PABPC1L: variants seen among roughly 807,000 people sequenced by gnomAD.
PABPC1L encodes polyadenylate-binding protein 1-like.
A neutral mutation model predicts 66.6 loss-of-function variants in PABPC1L; 31 were observed. The observed-to-expected ratio is 0.47, with a 90% CI of 0.35 to 0.63. PABPC1L has a LOEUF of 0.63. Among genes scored for constraint, PABPC1L ranks in the 20% least tolerant of loss-of-function variants. The pLI is 0.00. For missense variants in PABPC1L, 722 were observed against 848.8 expected, an observed-to-expected ratio of 0.85 and a Z score of 1.86; for synonymous variants, 348 against 335.1, an observed-to-expected ratio of 1.04 and a Z score of -0.42.
intron 3 of PABPC1L, among the ~76,000 whole-genome samples, chr20:44,918,357 A>T (rs936459308): frequency 6.6e-6 from 1 of 152,186 alleles, no homozygotes; most frequent in Non-Finnish European, 1.5e-5. Flanking sequence ...AAATAAAATT[A>T]ATCTTGTATT....
At chr20:44,937,233 C>T (rs2066908309) in intron 12 of PABPC1L, 2 of 329,414 alleles carry the variant, frequency 6.1e-6, no homozygotes, top group South Asian at 4.8e-5. Context: ...CCCTAGTGTC[C>T]ATGGCAGGCC....
Position 44,918,968 on chromosome 20 carries a change from A to G in PABPC1L, c.566A>G (p.Glu189Gly). The change falls in exon 4 of 15, where the codon GAG becomes GGG. Residue 189 changes from glutamate to glycine, a missense_variant. Glu to Gly is a moderately conservative substitution (Grantham distance 98, BLOSUM62 -2). Coordinates refer to ENST00000217073, the MANE Select transcript of PABPC1L (RefSeq NM_001372179.1). ...REAELGARAL[E>G]FTNIYVKNLP... is the part of the protein sequence containing the mutation. ...GCGGAGCTGGGGGCGCGGGCCCTGG[A>G]GTTCACCAACATCTACGTGAAGAAC... 6.2e-7 allele frequency: 1 copy of G among 1,613,268 alleles called. No homozygotes were observed. The highest frequency in any genetic ancestry group is 8.5e-7 in the Non-Finnish European group (1 of 1,179,610).
rs1465540885 is a variant in PABPC1L at position 44,932,813 on chromosome 20, C to A, written c.1331-244C>A. ...ATCTTGAGGGACTAAGGTGTACAAT[C>A]CTGGTGCTTATGCAGTTTGGGGCTC... On this transcript the variant is annotated intron_variant, in intron 9 of 14. Coordinates refer to ENST00000217073, the MANE Select transcript of PABPC1L (RefSeq NM_001372179.1). 9.0e-6 allele frequency: 5 copies of A among 555,832 alleles called. 1 individual carries two copies. Among genetic ancestry groups the A allele is most frequent in the Admixed American group, 6.1e-5 (2 of 32,636 alleles). 34.4% of individuals were successfully genotyped at this position (555,832 alleles called of 1,614,324 possible). A position where few individuals can be genotyped will look rare whatever the true frequency, so the allele number is the denominator to read the frequency against.
chr20:44,935,249 AACAGTGC>A, intron 10 of PABPC1L, 135 bp from the exon 11 acceptor site: 2 of 639,746 alleles, frequency 3.1e-6, no homozygotes, highest in South Asian at 4.0e-5. Context: ...CATTCCTACC[AACAGTGC>A]ACAGTCTTCT....
At position 44,938,730 on chromosome 20, in the gene PABPC1L, G is replaced by T; in HGVS notation, c.1848G>T (p.Ala616=). ...ACCAGGCTATGGAGCAGCCGAAGGC[G>T]TACATGCACTGAAACCAGGTGGGTG... ...QAHQAMEQPK[A]YMH The change falls in exon 14 of 15, where the codon GCG becomes GCT. Residue 616 remains alanine, a synonymous_variant. Transcript: ENST00000217073. 1 of 1,611,488 alleles carries T rather than the reference G, an allele frequency of 6.2e-7. No homozygotes were observed. The highest frequency in any genetic ancestry group is 2.2e-5 in the East Asian group (1 of 44,826).
intron 6 of PABPC1L, among the ~76,000 whole-genome samples, chr20:44,923,346 GTCGTGGTGGC>G (rs762538407): frequency 2.0e-5 from 3 of 152,168 alleles, no homozygotes; most frequent in Non-Finnish European, 4.4e-5. Context: ...AACGTGGCCT[GTCGTGGTGGC>G]TCGTGCCTGT....
rs2066757681 is a variant in PABPC1L at position 44,919,289 on chromosome 20, C to G, written c.738+12C>G. The G allele has an allele frequency of 6.2e-7, 1 of 1,613,664 alleles. No homozygotes were observed. The highest frequency in any genetic ancestry group is 8.5e-7 in the Non-Finnish European group (1 of 1,179,696). ...AGGAAGCCCAGAAGGTAGGAGCCTCCCCATGGCTCTGTTCTGCAGCAGGGG... is the reference window on the plus strand; with the variant it reads ...AGGAAGCCCAGAAGGTAGGAGCCTCGCCATGGCTCTGTTCTGCAGCAGGGG... On this transcript the variant is annotated intron_variant, in intron 5 of 14. Transcript: ENST00000217073.
At chr20:44,917,865 A>G (rs976526076) in intron 3 of PABPC1L, among the ~76,000 whole-genome samples, 11 of 152,100 alleles carry the variant, frequency 7.2e-5, no homozygotes, top group African/African-American at 4.8e-5. Flanking sequence ...GTTAGCTCCA[A>G]TTTACTCAAG....
chr20:44,921,557 A>G (rs1483695091), intron 5 of PABPC1L, 37 bp from the exon 6 acceptor site: 2 of 1,610,688 alleles, frequency 1.2e-6, no homozygotes, highest in Admixed American at 3.4e-5. Flanking sequence ...GCCACATCTG[A>G]GTGGTTACCA....
Position 44,936,091 on chromosome 20 carries a change from G to T in PABPC1L, c.1567-546G>T, listed in dbSNP as rs919453238. On this transcript the variant is annotated intron_variant, in intron 11 of 14. Transcript: ENST00000217073. ...AGGCTCAAGTGATCCTCCCACCTCA[G>T]CCTCCAAGTACAGGCATGTGACACC... is the stretch of plus-strand genomic sequence containing the variant. 3.3e-4 allele frequency among the ~76,000 whole-genome samples: 50 copies of T among 152,006 alleles called. 1 individual carries two copies. Among genetic ancestry groups the T allele is most frequent in the African/African-American group, 1.2e-3 (50 of 41,448 alleles).
chr20:44,935,419 C>G lies in PABPC1L; in HGVS notation c.1488C>G (p.Pro496=), dbSNP rs779333401. ...VANIGTQTTG[P]SGVGCCTPGR... ...ACATTGGTACTCAGACCACAGGACCCAGTGGGGTAGGATGCTGTACACCAG... is the reference window on the plus strand; with the variant it reads ...ACATTGGTACTCAGACCACAGGACCGAGTGGGGTAGGATGCTGTACACCAG... The change falls in exon 11 of 15, where the codon CCC becomes CCG. Residue 496 remains proline (P), a synonymous_variant. Transcript: ENST00000217073. 10 of 1,614,096 alleles carry G rather than the reference C, an allele frequency of 6.2e-6. No homozygotes were observed. Among genetic ancestry groups the G allele is most frequent in the Admixed American group, 1.7e-5 (1 of 60,018 alleles).
At chr20:44,929,581 G>C (rs1291775131) in intron 7 of PABPC1L, among the ~76,000 whole-genome samples, 1 of 151,876 alleles carries the variant, frequency 6.6e-6, no homozygotes, top group Non-Finnish European at 1.5e-5. Context: ...GATCACTTGA[G>C]GTCAGGAGTT....
chr20:44,932,519 T>A (rs756462087), intron 9 of PABPC1L, 87 bp downstream of exon 9: 19 of 1,218,860 alleles, frequency 1.6e-5, no homozygotes, highest in Non-Finnish European at 2.2e-5. Flanking sequence ...GAAACCTGGC[T>A]CTGCCACTTC....
In PABPC1L at chr20:44,910,110, C is replaced by T. The variant is rs759824074; in HGVS notation, c.-34C>T. 10 of 1,521,442 alleles carry T rather than the reference C, an allele frequency of 6.6e-6. 1 individual carries two copies. The South Asian group carries it at 9.7e-5, about 15-fold the overall frequency. 94.2% of individuals were successfully genotyped at this position (1,521,442 alleles called of 1,614,324 possible). A position where few individuals can be genotyped will look rare whatever the true frequency, so the allele number is the denominator to read the frequency against. The stretch of plus-strand genomic sequence containing the variant: ...GCGGGGCTGCTGGGTGACCCGGCTC[C>T]TGCTTGCCCCGCAGCCCCGGCCCCC... On this transcript the variant is annotated 5_prime_UTR_variant, in exon 1 of 15. Transcript: ENST00000217073.
chr20:44,917,370 T>TC (rs1363707047), intron 3 of PABPC1L, among the ~76,000 whole-genome samples: 8 of 150,576 alleles, frequency 5.3e-5, no homozygotes, highest in African/African-American at 2.0e-4. Flanking sequence ...GATTTTTTTT[T>TC]TTTTTTTTGT....
At chr20:44,934,629 G>A (rs1211385593) in intron 10 of PABPC1L, among the ~76,000 whole-genome samples, 1 of 152,196 alleles carries the variant, frequency 6.6e-6, no homozygotes, top group African/African-American at 2.4e-5. Flanking sequence ...GTCTCAGGAT[G>A]TATCTATGTT....
chr20:44,932,610 A>T, intron 9 of PABPC1L, 178 bp downstream of exon 9: 1 of 566,784 alleles, frequency 1.8e-6, no homozygotes, highest in Non-Finnish European at 3.1e-6. Context: ...GTAAAGTACC[A>T]AGCACAGTGG....
rs752343675 is a variant in PABPC1L, at chr20:44,910,276, G to C, written c.133G>C (p.Asp45His). Residue 45 changes from aspartate to histidine, a missense_variant, in exon 1 of 15, where the codon GAT (aspartate) becomes CAT (histidine). Transcript: ENST00000217073. ...GPILSIRVCR[D>H]VATRRSLGYA... is the part of the protein sequence containing the mutation. Reference sequence around the variant, plus strand: ...CATCCTGTCCATCCGCGTGTGCCGCGATGTAGCCACCCGGCGCTCGCTGGG... The same window carrying C: ...CATCCTGTCCATCCGCGTGTGCCGCCATGTAGCCACCCGGCGCTCGCTGGG... 48 of 1,552,652 alleles carry C rather than the reference G, an allele frequency of 3.1e-5. No homozygotes were observed. Among genetic ancestry groups the C allele is most frequent in the Non-Finnish European group, 4.2e-5 (48 of 1,147,766 alleles).
chr20:44,930,793 C>T (rs886756921), intron 8 of PABPC1L, 67 bp downstream of exon 8: 1 of 1,552,874 alleles, frequency 6.4e-7, no homozygotes, highest in Non-Finnish European at 8.7e-7. Flanking sequence ...AGCATGAAGA[C>T]TAGAGTTCTA....
Sources: allele counts gnomAD v4.1 joint callset (sites outside exome capture counted in the v4.1 genomes callset), GRCh38; gene constraint gnomAD v4.1.1; transcripts MANE v1.5; gene names NCBI Gene and HGNC (gene_info 2026-07-23, HGNC 2026-07-21).